ERBIN: variants seen among roughly 807,000 people sequenced by gnomAD.
The protein encoded by ERBIN is erbb2 interacting protein, also known as densin-180-like protein.
ERBIN carries 60 observed loss-of-function variants against 158.4 expected under a neutral mutation model. That is an observed-to-expected ratio of 0.38 (90% confidence interval 0.31 to 0.47). The LOEUF (loss-of-function observed/expected upper bound fraction) is 0.47, where lower values mean the gene tolerates loss of function less well. Ranked by LOEUF, ERBIN falls within the 20% of genes least tolerant of loss-of-function variation. The pLI is 0.99. For synonymous variants in ERBIN, 594 were observed against 557.2 expected (o/e 1.07, Z -0.93); for missense variants, 1,610 against 1,648.0 (o/e 0.98, Z 0.40).
At chr5:65,960,437 C>G (rs1747776151) in intron 1 of ERBIN, among the ~76,000 whole-genome samples, 2 of 152,174 alleles carry the variant, frequency 1.3e-5, no homozygotes, top group African/African-American at 4.8e-5. Context: ...CACCTAAGAC[C>G]TCTGCATTTC....
At chr5:66,074,471 CATAG>C (rs938205143) in intron 22 of ERBIN, among the ~76,000 whole-genome samples, 11 of 152,014 alleles carry the variant, frequency 7.2e-5, no homozygotes, top group Admixed American at 1.3e-4. Flanking sequence ...CAGTTTTCTA[CATAG>C]ATAGCTGAAT....
At chr5:65,967,396 T>A (rs1748775159) in intron 1 of ERBIN, among the ~76,000 whole-genome samples, 2 of 152,196 alleles carry the variant, frequency 1.3e-5, no homozygotes, top group South Asian at 4.1e-4. Context: ...TGTACTAGTT[T>A]TTTTTTTATC....
intron 1 of ERBIN, among the ~76,000 whole-genome samples, chr5:65,973,662 A>T (rs551671231): frequency 6.6e-6 from 1 of 151,366 alleles, no homozygotes; most frequent in South Asian, 2.1e-4. Context: ...AATACCACTT[A>T]AAGAACCGAA....
chr5:65,940,077 G>A (rs1407646010), intron 1 of ERBIN, among the ~76,000 whole-genome samples: 1 of 147,966 alleles, frequency 6.8e-6, no homozygotes, highest in Non-Finnish European at 1.5e-5. Context: ...TCTCTGCCCG[G>A]CCGCCATCCC....
intron 23 of ERBIN, 101 bp from the exon 24 acceptor site, chr5:66,076,215 A>G (rs1217041943): frequency 1.4e-5 from 11 of 804,326 alleles, no homozygotes; most frequent in Non-Finnish European, 2.3e-5. Flanking sequence ...TCTTATGTTT[A>G]TGTTTGCTTG....
In ERBIN at chr5:66,063,635, G is replaced by A. The variant is rs186772858; in HGVS notation, c.3634-8534G>A. On this transcript the variant is annotated intron_variant, in intron 21 of 25. Coordinates refer to ENST00000284037, the MANE Select transcript of ERBIN (RefSeq NM_001253697.2). Reference sequence around the variant, plus strand: ...AACACCCGTCTTCTGCGTCGCTCACGCTGGGAGCTGTAGACTGGACCTGTT... The same window carrying A: ...AACACCCGTCTTCTGCGTCGCTCACACTGGGAGCTGTAGACTGGACCTGTT... Among the ~76,000 whole-genome samples, 14 of 152,282 alleles carry A rather than the reference G, an allele frequency of 9.2e-5. No individual in the cohort carries two copies. In the East Asian group the frequency reaches 1.5e-3, roughly 17 times the overall value.
chr5:66,071,815 A>AG (rs1158127349), intron 21 of ERBIN, among the ~76,000 whole-genome samples: 1 of 150,310 alleles, frequency 6.7e-6, no homozygotes, highest in Non-Finnish European at 1.5e-5. Flanking sequence ...CTAAACTTTG[A>AG]TTAATAACTA....
chr5:65,961,417 A>G (rs1162749666), intron 1 of ERBIN: 2 of 152,174 alleles, frequency 1.3e-5, no homozygotes, highest in African/African-American at 4.8e-5. Flanking sequence ...CTGCAGCAGT[A>G]TTTTCCAAAA....
At chr5:65,947,359 A>G (rs935845604) in intron 1 of ERBIN, among the ~76,000 whole-genome samples, 15 of 152,102 alleles carry the variant, frequency 9.9e-5, no homozygotes, top group Admixed American at 3.3e-4. Context: ...TCTCCTGAGT[A>G]GCTGGGACTA....
chr5:65,932,855 G>A (rs565436579), intron 1 of ERBIN, among the ~76,000 whole-genome samples: 1 of 152,228 alleles, frequency 6.6e-6, no homozygotes, highest in Non-Finnish European at 1.5e-5. Flanking sequence ...GGAGTGCAGT[G>A]GCATACTCAC....
chr5:65,968,261 C>G (rs763903795), intron 1 of ERBIN, among the ~76,000 whole-genome samples: 34 of 152,188 alleles, frequency 2.2e-4, no homozygotes, highest in Non-Finnish European at 4.1e-4. Flanking sequence ...ATGGGGAGAC[C>G]ATTATACATT....
At position 66,025,522 on chromosome 5, in the gene ERBIN, A is replaced by G; in HGVS notation, c.860A>G (p.Gln287Arg). The G allele has an allele frequency of 6.2e-7, 1 of 1,612,534 alleles. No homozygotes were observed. The highest frequency in any genetic ancestry group is 2.2e-5 in the East Asian group (1 of 44,756). Residue 287 changes from glutamine to arginine, a missense_variant, in exon 11 of 26, where the codon CAG (glutamine) becomes CGG (arginine). Gln to Arg is a conservative substitution (Grantham distance 43, BLOSUM62 1). Coordinates refer to ENST00000284037, the MANE Select transcript of ERBIN (RefSeq NM_001253697.2). ...ACAACGCTTAAAATAGATGAAAACC[A>G]GTTAATGTATCTGCCAGACTCTATA... ...NITTLKIDEN[Q>R]LMYLPDSIGG...
At chr5:66,002,504 T>C (rs1753110508) in intron 4 of ERBIN, among the ~76,000 whole-genome samples, 1 of 152,296 alleles carries the variant, frequency 6.6e-6, no homozygotes, top group South Asian at 2.1e-4. Context: ...ATTAATTCTC[T>C]TATATGAACA....
At chr5:66,074,969 A>G (rs2151306207) in intron 22 of ERBIN, 55 bp from the exon 23 acceptor site, 1 of 1,529,404 alleles carries the variant, frequency 6.5e-7, no homozygotes, top group Non-Finnish European at 9.0e-7. Flanking sequence ...AAATCCAAAT[A>G]TTTGAAATAA....
chr5:66,054,384 T>C lies in ERBIN; in HGVS notation c.3066T>C (p.Ala1022=). The change falls in exon 21 of 26, where the codon GCT becomes GCC. Residue 1022 remains alanine (A), a synonymous_variant. Transcript: ENST00000284037. ...AGAGCACAGAAAATCAAAGTTATGCTAAACATTCTGCCAATATGAATTTCT... is the reference window on the plus strand; with the variant it reads ...AGAGCACAGAAAATCAAAGTTATGCCAAACATTCTGCCAATATGAATTTCT... ...RSESTENQSY[A]KHSANMNFSN... is the part of the protein sequence containing the mutation. 1 of 1,614,204 alleles carries C rather than the reference T, an allele frequency of 6.2e-7. No homozygotes were observed. Among genetic ancestry groups the C allele is most frequent in the Non-Finnish European group, 8.5e-7 (1 of 1,180,032 alleles).
intron 21 of ERBIN, among the ~76,000 whole-genome samples, chr5:66,058,985 G>GT (rs975021816): frequency 2.1e-4 from 32 of 151,778 alleles, no homozygotes; most frequent in African/African-American, 3.9e-4. Flanking sequence ...CTCCAGCTTT[G>GT]TTTTTTTTGG....
At position 66,053,428 on chromosome 5, in the gene ERBIN, A is replaced by T; in HGVS notation, c.2110A>T (p.Ser704Cys). ...TAGGCAAGAAGATGAAAATTTTAAC[A>T]GCCTTTTACAAAATGGAGATATTTT... The part of the protein sequence containing the change: ...KIRQEDENFN[S>C]LLQNGDILNS... The change falls in exon 21 of 26, where the codon AGC (serine) becomes TGC (cysteine). Residue 704 changes from serine to cysteine, a missense_variant. Transcript: ENST00000284037. 6.8e-7 allele frequency: 1 copy of T among 1,469,188 alleles called. No individual in the cohort carries two copies. Among genetic ancestry groups the T allele is most frequent in the Non-Finnish European group, 9.0e-7 (1 of 1,109,318 alleles). The allele number at this position is 1,469,188 out of a possible 1,614,324, so 91.0% of individuals were successfully genotyped here. A position where few individuals can be genotyped will look rare whatever the true frequency, so the allele number is the denominator to read the frequency against.
chr5:65,967,469 TATC>T (rs1205481349), intron 1 of ERBIN, among the ~76,000 whole-genome samples: 1 of 152,210 alleles, frequency 6.6e-6, no homozygotes, highest in African/African-American at 2.4e-5. Context: ...CACAAATACT[TATC>T]ATTGTGTCAC....
At chr5:65,985,826 C>G (rs1580257326) in intron 1 of ERBIN, among the ~76,000 whole-genome samples, 1 of 152,308 alleles carries the variant, frequency 6.6e-6, no homozygotes, top group African/African-American at 2.4e-5. Context: ...TTTGCCCCAC[C>G]AACCAGAGGT....
Sources: allele counts gnomAD v4.1 joint callset (sites outside exome capture counted in the v4.1 genomes callset), GRCh38; gene constraint gnomAD v4.1.1; transcripts MANE v1.5; gene names NCBI Gene and HGNC (gene_info 2026-07-23, HGNC 2026-07-21).